SAMD7: variants seen among roughly 807,000 people sequenced by gnomAD.
SAMD7 encodes the protein sterile alpha motif domain containing 7.
SAMD7 carries 34 observed loss-of-function variants against 36.7 expected under a neutral mutation model. That is an observed-to-expected ratio of 0.93 (90% CI 0.71 to 1.23). The LOEUF is 1.23. Ranked by LOEUF, SAMD7 falls within the 50% of genes most tolerant of loss-of-function variation. The pLI, the probability that SAMD7 is intolerant of heterozygous loss-of-function variation, is 0.00. For synonymous variants in SAMD7, 188 were observed against 189.7 expected, an observed-to-expected ratio of 0.99 and a Z score of 0.07; for missense variants, 570 against 546.6, an observed-to-expected ratio of 1.04 and a Z score of -0.43.
chr3:169,929,122 C>T (rs113242882), intron 7 of SAMD7, among the ~76,000 whole-genome samples: 1 of 151,868 alleles, frequency 6.6e-6, no homozygotes, highest in East Asian at 1.9e-4. Context: ...CATAAAATAC[C>T]ATTTTAAAAA....
At chr3:169,922,972 A>G (rs1450506174) in intron 4 of SAMD7, among the ~76,000 whole-genome samples, 3 of 152,208 alleles carry the variant, frequency 2.0e-5, no homozygotes, top group African/African-American at 7.2e-5. Context: ...GATGTGAGCA[A>G]TTTCAGTAGA....
At chr3:169,932,076 T>A (rs971214535) in intron 7 of SAMD7, 4 of 536,164 alleles carry the variant, frequency 7.5e-6, no homozygotes, top group Non-Finnish European at 1.3e-5. Context: ...GATTGACAAC[T>A]TAGATACATC....
At chr3:169,917,975 T>A (rs1712883270) in intron 2 of SAMD7, among the ~76,000 whole-genome samples, 1 of 150,776 alleles carries the variant, frequency 6.6e-6, no homozygotes, top group African/African-American at 2.5e-5. Flanking sequence ...TCTCTCTCTG[T>A]CACCCAGGCT....
rs1027968069 is a variant in SAMD7 at position 169,927,030 on chromosome 3, G to T, written c.768G>T (p.Glu256Asp). 1 of 1,612,848 alleles carries T rather than the reference G, an allele frequency of 6.2e-7. No homozygotes were observed. The highest frequency in any genetic ancestry group is 1.1e-5 in the South Asian group (1 of 91,008). ...TTGCCAACACCTGTGGAGAGCTCGA[G>T]CCCACCCATAGGAAACCCTGGGGGT... ...TALANTCGEL[E>D]PTHRKPWGSH... The change falls in exon 6 of 9, where the codon GAG becomes GAT. Residue 256 changes from glutamate to aspartate, a missense_variant. Coordinates refer to ENST00000335556, the MANE Select transcript of SAMD7 (RefSeq NM_001304366.2).
At chr3:169,932,234 T>C (rs562018994) in intron 7 of SAMD7, 4 of 849,234 alleles carry the variant, frequency 4.7e-6, no homozygotes, top group East Asian at 3.2e-5. Flanking sequence ...CCCCAGGAAG[T>C]GTACTGTGAA....
chr3:169,927,300 T>C (rs1362082225), intron 6 of SAMD7, 119 bp downstream of exon 6: 1 of 847,122 alleles, frequency 1.2e-6, no homozygotes, highest in Non-Finnish European at 1.6e-6. Context: ...TTTTTTTTTT[T>C]TTTTTTTTTT....
chr3:169,924,444 G>A lies in SAMD7; in HGVS notation c.212-614G>A, dbSNP rs533964355. ...TCTACTAAAAATACAAAAATTAGCT[G>A]GGTGTGGTGGCATGCGCCTGTAATC... On this transcript the variant is annotated intron_variant, in intron 4 of 8. Coordinates refer to ENST00000335556, the MANE Select transcript of SAMD7 (RefSeq NM_001304366.2). Among the ~76,000 whole-genome samples, 4 of 151,938 alleles carry A rather than the reference G, an allele frequency of 2.6e-5. No individual in the cohort carries two copies. In the South Asian group the frequency reaches 8.3e-4, roughly 32 times the overall value.
intron 4 of SAMD7, among the ~76,000 whole-genome samples, chr3:169,922,115 G>A (rs1270927580): frequency 6.6e-6 from 1 of 152,160 alleles, no homozygotes; most frequent in Non-Finnish European, 1.5e-5. Flanking sequence ...GAGAATCAGA[G>A]GCTCAGCTTG....
At chr3:169,929,676 A>G (rs1218073947) in intron 7 of SAMD7, among the ~76,000 whole-genome samples, 3 of 152,184 alleles carry the variant, frequency 2.0e-5, no homozygotes, top group Non-Finnish European at 4.4e-5. Context: ...GATAATCATA[A>G]TAATACATTT....
intron 8 of SAMD7, 118 bp downstream of exon 8, chr3:169,936,567 T>C: frequency 1.6e-6 from 1 of 644,906 alleles, no homozygotes. Flanking sequence ...TTGCTTTCCC[T>C]CTGTGGTTGA....
chr3:169,912,882 AG>A (rs760422862), intron 1 of SAMD7, among the ~76,000 whole-genome samples: 3 of 152,164 alleles, frequency 2.0e-5, no homozygotes, highest in Non-Finnish European at 4.4e-5. Context: ...AGAGATGGGA[AG>A]GGGAGCAAGA....
rs139999001 is a variant in SAMD7, at chr3:169,927,071, T to A, written c.809T>A (p.Leu270Gln). 5 of 1,610,278 alleles carry A rather than the reference T, an allele frequency of 3.1e-6. No individual in the cohort carries two copies. The African/African-American group carries it at 5.4e-5, about 17-fold the overall frequency. Residue 270 changes from leucine (L) to glutamine (Q), a missense_variant, in exon 6 of 9, where the codon CTG becomes CAG. Leu to Gln is a moderately radical substitution (Grantham distance 113). Coordinates refer to ENST00000335556, the MANE Select transcript of SAMD7 (RefSeq NM_001304366.2). ...RKPWGSHTTT[L>Q]KAKAWDDGKE... ...CCCTGGGGGTCTCACACCACTACCC[T>A]GAAAGCAAAGGCCTGGGACGATGGG...
At chr3:169,931,215 C>T (rs1051564867) in intron 7 of SAMD7, among the ~76,000 whole-genome samples, 1 of 152,164 alleles carries the variant, frequency 6.6e-6, no homozygotes, top group Non-Finnish European at 1.5e-5. Context: ...AATATCCTCT[C>T]TCTAAAAAGA....
At position 169,919,436 on chromosome 3, in the gene SAMD7, G is replaced by A. The variant is rs867331257; in HGVS notation, c.-41-22G>A. On this transcript the variant is annotated intron_variant, in intron 2 of 8. Transcript: ENST00000335556. The stretch of plus-strand genomic sequence containing the variant: ...ACAAAAAGTAGAGTTATTTGTTAAA[G>A]TGTCTATCTGGTTCTTTTTAGAACT... The A allele has an allele frequency of 5.8e-6, 7 of 1,207,498 alleles. No homozygotes were observed. In the African/African-American group the frequency reaches 8.9e-5, roughly 15 times the overall value. The allele number at this position is 1,207,498 out of a possible 1,614,324, so 74.8% of individuals were successfully genotyped here.
At chr3:169,923,509 A>C (rs1713133969) in intron 4 of SAMD7, among the ~76,000 whole-genome samples, 1 of 152,118 alleles carries the variant, frequency 6.6e-6, no homozygotes, top group African/African-American at 2.4e-5. Flanking sequence ...TTTGGGAGGC[A>C]AAGGCGGGCA....
intron 5 of SAMD7, 71 bp downstream of exon 5, chr3:169,925,207 T>TTTGTTATATGAAG: frequency 1.0e-6 from 1 of 952,546 alleles, no homozygotes; most frequent in Non-Finnish European, 1.6e-6. Flanking sequence ...GTTATCTTCA[T>TTTGTTATATGAAG]ATAACAAATG....
At position 169,938,785 on chromosome 3, in the gene SAMD7, T is replaced by A; in HGVS notation, c.*279T>A. ...GCAGATGGATGTTTCCATGAAGAAA[T>A]CTCTGAAGAAACCAAAAGAGCTGAA... On this transcript the variant is annotated 3_prime_UTR_variant, in exon 9 of 9. Coordinates refer to ENST00000335556, the MANE Select transcript of SAMD7 (RefSeq NM_001304366.2). 3.4e-6 allele frequency: 1 copy of A among 292,818 alleles called. No individual in the cohort carries two copies. Among genetic ancestry groups the A allele is most frequent in the Non-Finnish European group, 6.2e-6 (1 of 160,340 alleles). 18.1% of individuals were successfully genotyped at this position (292,818 alleles called of 1,614,324 possible). A position where few individuals can be genotyped will look rare whatever the true frequency, so the allele number is the denominator to read the frequency against.
rs781724031 is a variant in SAMD7 at position 169,936,413 on chromosome 3, A to G, written c.1116A>G (p.Gly372=). The G allele has an allele frequency of 1.9e-6, 3 of 1,613,464 alleles. No individual in the cohort carries two copies. The highest frequency in any genetic ancestry group is 1.7e-6 in the Non-Finnish European group (2 of 1,179,414). ...AAGAGCATCTTCGAGGCACTATGGG[A>G]TTAAAGCTAGGGCCGGCACTAAAAA... ...LTEEHLRGTM[G]LKLGPALKIQ... Residue 372 remains glycine (G), a synonymous_variant, in exon 8 of 9, where the codon GGA becomes GGG. Transcript: ENST00000335556.
chr3:169,932,780 G>A (rs1209677333), intron 7 of SAMD7: 5 of 533,236 alleles, frequency 9.4e-6, no homozygotes, highest in Admixed American at 2.3e-5. Context: ...CTACTGTGAG[G>A]CTGTGAAGAA....
Sources: allele counts gnomAD v4.1 joint callset (sites outside exome capture counted in the v4.1 genomes callset), GRCh38; gene constraint gnomAD v4.1.1; transcripts MANE v1.5; gene names NCBI Gene and HGNC (gene_info 2026-07-23, HGNC 2026-07-21).